NAV3: variants seen among roughly 807,000 people sequenced by gnomAD.
The protein encoded by NAV3 is pore membrane and/or filament interacting like protein 1.
A neutral mutation model predicts 244.7 loss-of-function variants in NAV3; 87 were observed. The ratio of observed to expected loss-of-function variants is 0.36; its 90% confidence interval spans 0.30 to 0.42. The LOEUF (loss-of-function observed/expected upper bound fraction) is 0.42, where lower values mean the gene tolerates loss of function less well. Among genes scored for constraint, NAV3 ranks in the 20% least tolerant of loss-of-function variants. NAV3 has a pLI of 1.00. For missense variants in NAV3, 2,663 were observed against 2,893.3 expected, an observed-to-expected ratio of 0.92 and a Z score of 1.83; for synonymous variants, 1,126 against 1,042.2, an observed-to-expected ratio of 1.08 and a Z score of -1.55.
chr12:77,965,279 T>C (rs1892410058), intron 3 of NAV3, among the ~76,000 whole-genome samples: 1 of 152,170 alleles, frequency 6.6e-6, no homozygotes, highest in South Asian at 2.1e-4. Flanking sequence ...TTTTTGCTTT[T>C]CACCCTAAAT....
In NAV3 at chr12:77,931,575, A is replaced by C. The variant is rs77008457; in HGVS notation, c.244-8744A>C. Reference sequence around the variant, plus strand: ...ATCAAGCATGAGACAATAAAAATCTACTTGGAAGCGGCCAGGTGCGGTGGC... The same window carrying C: ...ATCAAGCATGAGACAATAAAAATCTCCTTGGAAGCGGCCAGGTGCGGTGGC... On this transcript the variant is annotated intron_variant, in intron 1 of 39. Coordinates refer to ENST00000397909, the MANE Select transcript of NAV3 (RefSeq NM_001024383.2). 1.1e-4 allele frequency among the ~76,000 whole-genome samples: 16 copies of C among 152,236 alleles called. No individual in the cohort carries two copies. In the East Asian group the frequency reaches 2.5e-3, roughly 24 times the overall value.
At chr12:78,092,932 G>A (rs1221317748) in intron 12 of NAV3, among the ~76,000 whole-genome samples, 1 of 152,150 alleles carries the variant, frequency 6.6e-6, no homozygotes, top group Admixed American at 6.5e-5. Context: ...TATGTAACTT[G>A]GCTTTCATAT....
chr12:78,149,249 G>A (rs1368560308), intron 22 of NAV3, among the ~76,000 whole-genome samples: 1 of 152,098 alleles, frequency 6.6e-6, no homozygotes, highest in African/African-American at 2.4e-5. Flanking sequence ...GGGGTTGTTA[G>A]TGTTTGACTT....
chr12:77,915,321 C>T (rs1281866321), intron 1 of NAV3, among the ~76,000 whole-genome samples: 4 of 151,942 alleles, frequency 2.6e-5, no homozygotes, highest in South Asian at 2.1e-4. Flanking sequence ...TTAAATTAAA[C>T]CTAACATTTA....
intron 12 of NAV3, among the ~76,000 whole-genome samples, chr12:78,113,554 G>A (rs552301489): frequency 2.6e-5 from 4 of 152,302 alleles, no homozygotes; most frequent in African/African-American, 9.6e-5. Context: ...GGCCTTAGCT[G>A]TACCTTGGCC....
At chr12:78,162,405 T>C (rs1957582317) in intron 23 of NAV3, among the ~76,000 whole-genome samples, 1 of 152,082 alleles carries the variant, frequency 6.6e-6, no homozygotes, top group Non-Finnish European at 1.5e-5. Flanking sequence ...ATGATAGATA[T>C]AGGTCTATAT....
At chr12:77,995,801 A>T (rs1165307771) in intron 6 of NAV3, among the ~76,000 whole-genome samples, 1 of 152,188 alleles carries the variant, frequency 6.6e-6, no homozygotes, top group African/African-American at 2.4e-5. Context: ...GATATAAATT[A>T]TGATGGGTAA....
At position 77,791,354 on chromosome 12, in the gene NAV3, C is replaced by CAA. The variant is rs5799345; in HGVS notation, c.73-148947_73-148946dup. The stretch of plus-strand genomic sequence containing the variant: ...GGGTGACAAGAGCAAAACTCCATCT[C>CAA]AAAAAAAAAAAAAAAAAAATTCCCT... On this transcript the variant is annotated intron_variant, in intron 2 of 8. Transcript: ENST00000550042. Among the ~76,000 whole-genome samples, 72 of 138,568 alleles carry CAA rather than the reference C, an allele frequency of 5.2e-4. 1 individual carries two copies. Among genetic ancestry groups the CAA allele is most frequent in the African/African-American group, 1.3e-3 (50 of 37,206 alleles). The allele number at this position is 138,568 out of a possible 152,430, so 90.9% of individuals were successfully genotyped here.
intron 31 of NAV3, among the ~76,000 whole-genome samples, chr12:78,186,152 T>A (rs771308240): frequency 5.9e-5 from 9 of 151,842 alleles, no homozygotes; most frequent in Non-Finnish European, 1.0e-4. Context: ...CAAATTCCAT[T>A]GATGTTACTT....
At chr12:77,801,992 G>GATGA (rs1871733363) in intron 2 of NAV3, among the ~76,000 whole-genome samples, 1 of 152,060 alleles carries the variant, frequency 6.6e-6, no homozygotes, top group East Asian at 1.9e-4. Context: ...CTAAATATTT[G>GATGA]ATGAATGAAC....
At chr12:77,622,251 C>T (rs904076048) in intron 2 of NAV3, among the ~76,000 whole-genome samples, 6 of 152,100 alleles carry the variant, frequency 3.9e-5, no homozygotes, top group Non-Finnish European at 7.4e-5. Context: ...GCTCCGCCTC[C>T]TGGGTTCATG....
At chr12:78,021,646 G>C (rs776105494) in intron 8 of NAV3, 101 bp from the exon 9 acceptor site, 6 of 760,764 alleles carry the variant, frequency 7.9e-6, no homozygotes, top group Non-Finnish European at 1.3e-5. Flanking sequence ...TACTTACCTT[G>C]ATGGAAAATT....
chr12:77,748,671 G>A (rs1170674863), intron 2 of NAV3, among the ~76,000 whole-genome samples: 1 of 152,186 alleles, frequency 6.6e-6, no homozygotes, highest in Admixed American at 6.5e-5. Flanking sequence ...TCACTTAGAT[G>A]TGGGGTCTAC....
chr12:78,096,240 A>G (rs1349780334), intron 12 of NAV3, among the ~76,000 whole-genome samples: 4 of 152,324 alleles, frequency 2.6e-5, no homozygotes, highest in East Asian at 1.9e-4. Flanking sequence ...CTGGAGAGGA[A>G]CAGTGAAGAA....
intron 2 of NAV3, among the ~76,000 whole-genome samples, chr12:77,740,486 G>C (rs748107908): frequency 4.0e-5 from 6 of 151,882 alleles, no homozygotes; most frequent in Non-Finnish European, 8.8e-5. Flanking sequence ...GTGGGGTGGT[G>C]GTGGGCCAGT....
At chr12:77,748,002 G>A (rs1478874707) in intron 2 of NAV3, among the ~76,000 whole-genome samples, 1 of 152,048 alleles carries the variant, frequency 6.6e-6, no homozygotes, top group Non-Finnish European at 1.5e-5. Context: ...CCTGCACGTT[G>A]TGCACGTGTA....
At chr12:77,678,984 T>G (rs183927690) in intron 2 of NAV3, among the ~76,000 whole-genome samples, 1 of 152,324 alleles carries the variant, frequency 6.6e-6, no homozygotes, top group Admixed American at 6.5e-5. Context: ...ATCTTTTAAG[T>G]AACTCCAAAA....
chr12:77,696,033 C>G (rs1045393414), intron 2 of NAV3, among the ~76,000 whole-genome samples: 1 of 152,060 alleles, frequency 6.6e-6, no homozygotes, highest in African/African-American at 2.4e-5. Flanking sequence ...CTACATCAGT[C>G]CAAGAAGAGA....
chr12:78,007,821 A>G (rs1380231768), intron 8 of NAV3, among the ~76,000 whole-genome samples: 1 of 152,162 alleles, frequency 6.6e-6, no homozygotes, highest in Non-Finnish European at 1.5e-5. Context: ...TACATCGTTT[A>G]CGGTTATTTT....
Sources: allele counts gnomAD v4.1 joint callset (sites outside exome capture counted in the v4.1 genomes callset), GRCh38; gene constraint gnomAD v4.1.1; transcripts MANE v1.5; gene names NCBI Gene and HGNC (gene_info 2026-07-23, HGNC 2026-07-21).